RBFOX1: variants seen among roughly 807,000 people sequenced by gnomAD.
RBFOX1 encodes RNA binding protein fox-1 homolog 1.
In RBFOX1, 8 loss-of-function variants were observed where a neutral mutation model predicts 57.7. That is an observed-to-expected ratio of 0.14 (90% CI 0.08 to 0.25). The LOEUF (loss-of-function observed/expected upper bound fraction) is 0.25, where lower values mean the gene tolerates loss of function less well. RBFOX1 is among the 10% of genes least tolerant of loss of function. RBFOX1 has a pLI of 1.00. For synonymous variants in RBFOX1, 326 were observed against 222.4 expected, an observed-to-expected ratio of 1.47 and a Z score of -4.15; for missense variants, 611 against 548.5, an observed-to-expected ratio of 1.11 and a Z score of -1.14.
chr16:5,847,978 A>G (rs984206284), intron 3 of RBFOX1, among the ~76,000 whole-genome samples: 3 of 152,170 alleles, frequency 2.0e-5, no homozygotes, highest in Non-Finnish European at 2.9e-5. Context: ...TGGCTCTGAC[A>G]TCATCTGGTG....
At chr16:7,307,671 T>A (rs2096222099) in intron 4 of RBFOX1, among the ~76,000 whole-genome samples, 1 of 152,180 alleles carries the variant, frequency 6.6e-6, no homozygotes, top group Non-Finnish European at 1.5e-5. Flanking sequence ...TGCTAAATAG[T>A]TTTTTTGGCG....
intron 3 of RBFOX1, among the ~76,000 whole-genome samples, chr16:7,039,419 G>C (rs2045490819): frequency 6.6e-6 from 1 of 152,136 alleles, no homozygotes; most frequent in Non-Finnish European, 1.5e-5. Context: ...TGTTCTCCAA[G>C]CTATTTTCTC....
At chr16:5,733,209 A>G (rs952800129) in intron 3 of RBFOX1, among the ~76,000 whole-genome samples, 5 of 152,186 alleles carry the variant, frequency 3.3e-5, no homozygotes, top group African/African-American at 4.8e-5. Flanking sequence ...AGAATTAAAG[A>G]GACTGGGGAC....
At chr16:7,302,727 G>T (rs1461958306) in intron 4 of RBFOX1, among the ~76,000 whole-genome samples, 1 of 139,100 alleles carries the variant, frequency 7.2e-6, no homozygotes, top group Non-Finnish European at 1.5e-5. Context: ...TTGCTGCCAA[G>T]AATGCAAGAA....
At chr16:6,459,866 C>A (rs188038693) in intron 2 of RBFOX1, among the ~76,000 whole-genome samples, 1 of 151,492 alleles carries the variant, frequency 6.6e-6, no homozygotes, top group Non-Finnish European at 1.5e-5. Flanking sequence ...TGCCTGTAAT[C>A]CCAGCTACTT....
rs144543754 is a variant in RBFOX1, at chr16:7,079,817, C to T, written c.27+27719C>T. Among the ~76,000 whole-genome samples the T allele has an allele frequency of 1.5e-3, 230 of 151,754 alleles. 1 individual carries two copies. Among genetic ancestry groups the T allele is most frequent in the African/African-American group, 5.4e-3 (225 of 41,372 alleles). On this transcript the variant is annotated intron_variant, in intron 4 of 15. Transcript: ENST00000550418. Reference sequence around the variant, plus strand: ...ACTTAAGATTTGTGTGCTTTAACCCCATGGTTGCTAGTGGCTGTAGGGTGA... The same window carrying T: ...ACTTAAGATTTGTGTGCTTTAACCCTATGGTTGCTAGTGGCTGTAGGGTGA...
At chr16:6,531,537 A>G (rs372673632) in intron 2 of RBFOX1, among the ~76,000 whole-genome samples, 2 of 152,170 alleles carry the variant, frequency 1.3e-5, no homozygotes, top group African/African-American at 4.8e-5. Context: ...TTTAATTTTA[A>G]TATCATTGGC....
At chr16:6,197,854 G>C (rs1164561937) in intron 1 of RBFOX1, among the ~76,000 whole-genome samples, 10 of 151,950 alleles carry the variant, frequency 6.6e-5, no homozygotes, top group Non-Finnish European at 1.5e-4. Context: ...TCGTGTCCAT[G>C]AGTTTCCATC....
At chr16:7,155,656 G>A (rs1418592762) in intron 4 of RBFOX1, among the ~76,000 whole-genome samples, 1 of 132,912 alleles carries the variant, frequency 7.5e-6, no homozygotes, top group African/African-American at 2.9e-5. Context: ...TTGGGCCATG[G>A]AAGAGCTATC....
At chr16:5,801,799 G>A (rs2055065780) in intron 3 of RBFOX1, among the ~76,000 whole-genome samples, 1 of 152,194 alleles carries the variant, frequency 6.6e-6, no homozygotes, top group Admixed American at 6.5e-5. Context: ...CACAGAGAGT[G>A]AACCGGGTGC....
intron 3 of RBFOX1, among the ~76,000 whole-genome samples, chr16:6,929,002 G>A (rs963523398): frequency 5.3e-5 from 8 of 152,144 alleles, no homozygotes; most frequent in African/African-American, 1.9e-4. Flanking sequence ...GTCATTCACA[G>A]ACACGCATGC....
At chr16:6,733,942 T>A (rs1265670702) in intron 3 of RBFOX1, among the ~76,000 whole-genome samples, 1 of 152,174 alleles carries the variant, frequency 6.6e-6, no homozygotes, top group Non-Finnish European at 1.5e-5. Flanking sequence ...CTGAATAGCA[T>A]CGTTGTCTAT....
intron 3 of RBFOX1, among the ~76,000 whole-genome samples, chr16:6,973,122 C>T (rs904127334): frequency 6.6e-6 from 1 of 151,166 alleles, no homozygotes; most frequent in African/African-American, 2.4e-5. Context: ...CGGAGCAAGA[C>T]TCCATTGTCT....
intron 4 of RBFOX1, among the ~76,000 whole-genome samples, chr16:7,318,969 G>A (rs1274955527): frequency 6.6e-6 from 1 of 152,204 alleles, no homozygotes; most frequent in East Asian, 1.9e-4. Context: ...TTAGGTCCCA[G>A]TGGGAGTATG....
chr16:7,605,162 T>TC (rs533988583), intron 9 of RBFOX1, among the ~76,000 whole-genome samples: 6 of 152,144 alleles, frequency 3.9e-5, no homozygotes, highest in Non-Finnish European at 7.3e-5. Flanking sequence ...GAATTAGACT[T>TC]TTTTTTAAAA....
chr16:6,456,376 A>C (rs1479274705), intron 2 of RBFOX1, among the ~76,000 whole-genome samples: 1 of 152,122 alleles, frequency 6.6e-6, no homozygotes, highest in Admixed American at 6.5e-5. Context: ...TGGCATGGTC[A>C]TAGCTTACTG....
At chr16:6,876,550 G>T (rs916773860) in intron 3 of RBFOX1, among the ~76,000 whole-genome samples, 1 of 152,064 alleles carries the variant, frequency 6.6e-6, no homozygotes, top group Non-Finnish European at 1.5e-5. Flanking sequence ...AAAAAATTAA[G>T]TCACTTCTAT....
chr16:7,347,215 G>C (rs1390789504), intron 4 of RBFOX1, among the ~76,000 whole-genome samples: 3 of 152,130 alleles, frequency 2.0e-5, no homozygotes, highest in African/African-American at 7.2e-5. Context: ...GCATTAGTCT[G>C]TTTTCATGCT....
intron 3 of RBFOX1, among the ~76,000 whole-genome samples, chr16:6,874,173 G>T (rs906120286): frequency 1.9e-4 from 13 of 67,328 alleles, no homozygotes; most frequent in Non-Finnish European, 2.0e-4. Context: ...AGAAACTATG[G>T]TGTGTGCATA....
Sources: allele counts gnomAD v4.1 joint callset (sites outside exome capture counted in the v4.1 genomes callset), GRCh38; gene constraint gnomAD v4.1.1; transcripts MANE v1.5; gene names NCBI Gene and HGNC (gene_info 2026-07-23, HGNC 2026-07-21).